Variants in NKAIN2 observed in about 807,000 individuals in gnomAD.
NKAIN2 encodes sodium/potassium transporting ATPase interacting 2.
Under a neutral mutation model 32.6 loss-of-function variants are expected in NKAIN2, and 14 were observed. The observed-to-expected ratio is 0.43, with a 90% CI of 0.28 to 0.67. The LOEUF (loss-of-function observed/expected upper bound fraction) is 0.67. Ranked by LOEUF, NKAIN2 falls within the 30% of genes least tolerant of loss-of-function variation. NKAIN2 has a pLI of 0.17. For missense variants in NKAIN2, 198 were observed against 258.3 expected (o/e 0.77, Z 1.60); for synonymous variants, 80 against 87.2 (o/e 0.92, Z 0.46).
chr6:124,086,423 C>T (rs765848365), intron 1 of NKAIN2, among the ~76,000 whole-genome samples: 4 of 152,050 alleles, frequency 2.6e-5, no homozygotes, highest in East Asian at 3.9e-4. Context: ...AGCCCAATGA[C>T]GTAAAATTGT....
chr6:124,642,732 T>C (rs1249811420), intron 3 of NKAIN2, among the ~76,000 whole-genome samples: 3 of 152,212 alleles, frequency 2.0e-5, no homozygotes, highest in African/African-American at 7.2e-5. Flanking sequence ...GAAATGCATA[T>C]AGTTTTGTTA....
At chr6:123,864,569 T>C (rs1222967286) in intron 1 of NKAIN2, among the ~76,000 whole-genome samples, 1 of 152,144 alleles carries the variant, frequency 6.6e-6, no homozygotes, top group African/African-American at 2.4e-5. Context: ...CATTTTCATT[T>C]AGAGCGGTCA....
chr6:124,283,935 C>T (rs1026838508), intron 2 of NKAIN2, among the ~76,000 whole-genome samples: 3 of 152,026 alleles, frequency 2.0e-5, no homozygotes, highest in South Asian at 2.1e-4. Context: ...AAGATAGTAC[C>T]GTGAAAGCTC....
chr6:124,532,124 G>C (rs995006275), intron 3 of NKAIN2, among the ~76,000 whole-genome samples: 2 of 152,194 alleles, frequency 1.3e-5, no homozygotes, highest in Admixed American at 1.3e-4. Flanking sequence ...CAGGGAGAAT[G>C]TACAGATCTA....
intron 3 of NKAIN2, among the ~76,000 whole-genome samples, chr6:124,408,427 T>C (rs1363545917): frequency 2.0e-5 from 3 of 152,218 alleles, no homozygotes; most frequent in Non-Finnish European, 2.9e-5. Flanking sequence ...CTAGCCAGTT[T>C]TCCCAGCACC....
chr6:124,248,723 G>A (rs1036856001), intron 1 of NKAIN2, among the ~76,000 whole-genome samples: 2 of 152,078 alleles, frequency 1.3e-5, no homozygotes, highest in Non-Finnish European at 2.9e-5. Context: ...TTAGTACAAT[G>A]CCACTGGGCA....
chr6:124,038,158 A>T (rs921942428), intron 1 of NKAIN2, among the ~76,000 whole-genome samples: 7 of 152,068 alleles, frequency 4.6e-5, no homozygotes, highest in African/African-American at 1.7e-4. Context: ...AACTAACATG[A>T]CCACAAAATT....
At chr6:124,653,525 TA>T (rs2114406745) in intron 3 of NKAIN2, among the ~76,000 whole-genome samples, 1 of 145,302 alleles carries the variant, frequency 6.9e-6, no homozygotes, top group East Asian at 2.1e-4. Context: ...GTCAAAGACC[TA>T]AATGTAAAAT....
chr6:124,367,211 G>C (rs1799559036), intron 3 of NKAIN2, among the ~76,000 whole-genome samples: 1 of 152,044 alleles, frequency 6.6e-6, no homozygotes, highest in South Asian at 2.1e-4. Context: ...GCAATAAGTT[G>C]TTCTTATCAA....
At chr6:124,464,309 G>C (rs1349336477) in intron 3 of NKAIN2, among the ~76,000 whole-genome samples, 1 of 151,978 alleles carries the variant, frequency 6.6e-6, no homozygotes, top group East Asian at 1.9e-4. Context: ...GATGGTTTCA[G>C]AGTCCTTAAC....
chr6:124,696,392 AT>A (rs1308018167), intron 4 of NKAIN2, among the ~76,000 whole-genome samples: 1 of 151,832 alleles, frequency 6.6e-6, no homozygotes, highest in Non-Finnish European at 1.5e-5. Context: ...TTGGGGCATC[AT>A]TTTCCGAGCC....
intron 1 of NKAIN2, among the ~76,000 whole-genome samples, chr6:123,929,700 A>G (rs944035598): frequency 5.3e-5 from 8 of 152,226 alleles, no homozygotes; most frequent in African/African-American, 1.7e-4. Context: ...TAGAGCAAAC[A>G]TCATGTTGTA....
At chr6:124,015,528 ATT>A (rs1158597162) in intron 1 of NKAIN2, among the ~76,000 whole-genome samples, 1 of 152,114 alleles carries the variant, frequency 6.6e-6, no homozygotes, top group East Asian at 1.9e-4. Flanking sequence ...AAAGTATTTT[ATT>A]GGATCATTTG....
At chr6:124,042,938 T>A (rs1218203814) in intron 1 of NKAIN2, among the ~76,000 whole-genome samples, 1 of 152,124 alleles carries the variant, frequency 6.6e-6, no homozygotes, top group East Asian at 1.9e-4. Context: ...GTGAATGAAG[T>A]TAATTTCAAA....
At chr6:124,324,089 C>T (rs1022154104) in intron 2 of NKAIN2, among the ~76,000 whole-genome samples, 1 of 152,040 alleles carries the variant, frequency 6.6e-6, no homozygotes, top group Non-Finnish European at 1.5e-5. Flanking sequence ...CTGCACCAGG[C>T]CTTCTTCTAA....
intron 1 of NKAIN2, among the ~76,000 whole-genome samples, chr6:124,212,900 G>A (rs1478294485): frequency 2.0e-5 from 3 of 152,084 alleles, no homozygotes; most frequent in African/African-American, 7.2e-5. Flanking sequence ...ATCAAGGAAT[G>A]AAGAGCACAA....
At chr6:124,339,942 A>G (rs1798051029) in intron 2 of NKAIN2, among the ~76,000 whole-genome samples, 1 of 152,178 alleles carries the variant, frequency 6.6e-6, no homozygotes, top group African/African-American at 2.4e-5. Context: ...CTGTATTATA[A>G]TACATCTTGA....
At chr6:124,692,971 A>G (rs1390710712) in intron 4 of NKAIN2, among the ~76,000 whole-genome samples, 1 of 152,226 alleles carries the variant, frequency 6.6e-6, no homozygotes, top group African/African-American at 2.4e-5. Context: ...ATTTGAACTC[A>G]TCACAGTGAA....
At chr6:124,017,474 C>T (rs903918163) in intron 1 of NKAIN2, among the ~76,000 whole-genome samples, 3 of 152,150 alleles carry the variant, frequency 2.0e-5, no homozygotes, top group Admixed American at 6.5e-5. Context: ...TACAAAGTCT[C>T]TTCTGAGAAA....
Sources: allele counts gnomAD v4.1 joint callset (sites outside exome capture counted in the v4.1 genomes callset), GRCh38; gene constraint gnomAD v4.1.1; transcripts MANE v1.5; gene names NCBI Gene and HGNC (gene_info 2026-07-23, HGNC 2026-07-21).